Variants in NCOR2 observed in about 807,000 individuals in gnomAD.
NCOR2 encodes the protein CTG repeat protein 26.
Under a neutral mutation model 262.9 loss-of-function variants are expected in NCOR2, and 81 were observed. The observed-to-expected ratio is 0.31, with a 90% CI of 0.26 to 0.37. The LOEUF is 0.37. NCOR2 is among the 10% of genes least tolerant of loss of function. NCOR2 has a pLI of 1.00. For synonymous variants in NCOR2, 1,659 were observed against 1,559.3 expected (o/e 1.06, Z -1.51); for missense variants, 3,385 against 3,621.4 (o/e 0.93, Z 1.68).
In NCOR2 at chr12:124,388,881, G is replaced by C. The variant is rs191752208; in HGVS notation, c.1877-2994C>G. 950 of 800,142 alleles carry C rather than the reference G, an allele frequency of 1.2e-3. 87 individuals are homozygous for C. The highest frequency in any genetic ancestry group is 5.2e-3 in the African/African-American group (248 of 47,450). The allele number at this position is 800,142 out of a possible 1,614,324, so 49.6% of individuals were successfully genotyped here. On this transcript the variant is annotated intron_variant, in intron 16 of 46. Coordinates refer to ENST00000405201, the Ensembl canonical transcript of NCOR2. ...GTCCCACGGTGAGGGAGGGAGGGAG[G>C]GAGGGAGGGAGGGAGCGAGGGAGGG... is the stretch of plus-strand genomic sequence containing the variant.
chr12:124,407,117 T>A (rs536360225), intron 13 of NCOR2, among the ~76,000 whole-genome samples: 15 of 152,296 alleles, frequency 9.8e-5, no homozygotes, highest in Non-Finnish European at 1.6e-4. Context: ...CTCCTCCCTA[T>A]GCCCATTTAA....
chr12:124,326,408 A>G, intron 45 of NCOR2, 38 bp from the exon 48 acceptor site: 2 of 1,461,418 alleles, frequency 1.4e-6, no homozygotes, highest in Non-Finnish European at 1.8e-6. Flanking sequence ...TGCGTTGGGC[A>G]GTGAAGACAG....
intron 8 of NCOR2, among the ~76,000 whole-genome samples, chr12:124,437,136 A>T (rs143106171): frequency 0.011 from 1,668 of 152,306 alleles, 12 homozygotes; most frequent in East Asian, 0.042. Flanking sequence ...AAATGTAATG[A>T]AATGAAATGA....
intron 22 of NCOR2, among the ~76,000 whole-genome samples, chr12:124,360,638 A>C (rs2038490576): frequency 6.6e-6 from 1 of 151,746 alleles, no homozygotes; most frequent in African/African-American, 2.4e-5. Flanking sequence ...TCCGGTCCCC[A>C]CTTCCCTCAC....
intron 2 of NCOR2, 147 bp downstream of exon 4, chr12:124,486,294 C>T (rs757101894): frequency 2.2e-5 from 29 of 1,296,686 alleles, no homozygotes; most frequent in Non-Finnish European, 2.8e-5. Flanking sequence ...CGAGTCACGC[C>T]CACGCCAGGT....
chr12:124,525,879 G>A (rs1486200706), intron 1 of NCOR2, among the ~76,000 whole-genome samples: 1 of 152,168 alleles, frequency 6.6e-6, no homozygotes, highest in Non-Finnish European at 1.5e-5. Flanking sequence ...TAGAAAACAG[G>A]GCTGATCATA....
At chr12:124,425,230 C>T (rs977768109) in intron 11 of NCOR2, among the ~76,000 whole-genome samples, 4 of 151,932 alleles carry the variant, frequency 2.6e-5, no homozygotes, top group Non-Finnish European at 5.9e-5. Context: ...AAAAATTAGC[C>T]AGGCATGGTG....
rs1460325930 is a variant in NCOR2 at position 124,371,883 on chromosome 12, C to T, written c.2807+139G>A. ...GCATCTCTCATTCCTGGACTCTACT[C>T]CAAGTCTGCCTCCCTAACCACACCT... is the stretch of plus-strand genomic sequence containing the variant. On this transcript the variant is annotated intron_variant, in intron 20 of 46. Coordinates refer to ENST00000405201, the Ensembl canonical transcript of NCOR2. 5.8e-6 allele frequency: 5 copies of T among 865,256 alleles called. No individual in the cohort carries two copies. The African/African-American group carries it at 8.6e-5, about 15-fold the overall frequency. 53.6% of individuals were successfully genotyped at this position (865,256 alleles called of 1,614,324 possible).
At chr12:124,426,300 G>A (rs761097242) in intron 11 of NCOR2, among the ~76,000 whole-genome samples, 6 of 152,216 alleles carry the variant, frequency 3.9e-5, no homozygotes, top group Non-Finnish European at 7.3e-5. Flanking sequence ...AAGAAGAGGA[G>A]AAGCACAGAG....
At chr12:124,391,366 C>T (rs1036305800) in intron 16 of NCOR2, among the ~76,000 whole-genome samples, 2 of 152,180 alleles carry the variant, frequency 1.3e-5, no homozygotes, top group African/African-American at 4.8e-5. Context: ...CATCGACCAC[C>T]GCCCCCCACC....
At chr12:124,401,447 G>A (rs1165324479) in intron 14 of NCOR2, among the ~76,000 whole-genome samples, 12 of 152,234 alleles carry the variant, frequency 7.9e-5, no homozygotes, top group Non-Finnish European at 1.8e-4. Context: ...AACTAAATGG[G>A]GGCGTGGGCT....
intron 15 of NCOR2, among the ~76,000 whole-genome samples, chr12:124,399,670 C>T (rs2041890589): frequency 6.6e-6 from 1 of 152,138 alleles, no homozygotes; most frequent in African/African-American, 2.4e-5. Flanking sequence ...CGGTGGGGGT[C>T]TGTGGGAGAT....
chr12:124,344,980 C>A, intron 31 of NCOR2, 29 bp from the exon 34 acceptor site: 3 of 1,497,358 alleles, frequency 2.0e-6, no homozygotes, highest in Non-Finnish European at 2.7e-6. Context: ...AAGCTCTAGC[C>A]CTGGCCACAG....
chr12:124,451,663 A>G (rs1166008863), intron 6 of NCOR2, among the ~76,000 whole-genome samples: 1 of 152,090 alleles, frequency 6.6e-6, no homozygotes, highest in Non-Finnish European at 1.5e-5. Flanking sequence ...ATGGGTGACT[A>G]TGGTGGGAAG....
chr12:124,433,881 C>CACACACACACACACACACACACACACAA (rs2044160651), intron 8 of NCOR2, among the ~76,000 whole-genome samples: 1 of 68,304 alleles, frequency 1.5e-5, no homozygotes, highest in Non-Finnish European at 3.8e-5. Flanking sequence ...CACACACACA[C>CACACACACACACACACACACACACACAA]ACACACACAC....
At position 124,363,978 on chromosome 12, in the gene NCOR2, C is replaced by T. The variant is rs771285229; in HGVS notation, c.2808-179G>A. On this transcript the variant is annotated intron_variant, in intron 20 of 46. Coordinates refer to ENST00000405201, the Ensembl canonical transcript of NCOR2. The stretch of plus-strand genomic sequence containing the variant: ...ATGTCAACGGTTTCTCTTGGGAAAA[C>T]AGACCAAGATTTGGGGCCAGGGGAG... Among the ~76,000 whole-genome samples, 6 of 152,208 alleles carry T rather than the reference C, an allele frequency of 3.9e-5. No individual in the cohort carries two copies. In the East Asian group the frequency reaches 1.2e-3, roughly 29 times the overall value.
At chr12:124,371,478 C>A (rs1287564668) in intron 20 of NCOR2, among the ~76,000 whole-genome samples, 1 of 152,216 alleles carries the variant, frequency 6.6e-6, no homozygotes. Context: ...GCCTGGTGTC[C>A]TCAGAAGAAG....
chr12:124,479,131 CAG>C (rs1286711092), intron 3 of NCOR2, among the ~76,000 whole-genome samples: 7 of 152,194 alleles, frequency 4.6e-5, no homozygotes, highest in Admixed American at 3.9e-4. Context: ...GCTCTCTGCG[CAG>C]AGACAAAACG....
chr12:124,550,656 T>C (rs2051686680), intron 1 of NCOR2, among the ~76,000 whole-genome samples: 1 of 152,222 alleles, frequency 6.6e-6, no homozygotes, highest in Non-Finnish European at 1.5e-5. Context: ...AGAGAACACA[T>C]TTGTTCTGCT....
Sources: gnomAD v4.1 joint callset for allele counts (sites outside exome capture counted in the v4.1 genomes callset) on GRCh38, gnomAD v4.1.1 for gene constraint, MANE v1.5 for transcripts, NCBI Gene and HGNC (gene_info 2026-07-23, HGNC 2026-07-21) for gene names.